TSPEAR: variants seen among roughly 807,000 people sequenced by gnomAD.
The protein encoded by TSPEAR is thrombospondin type laminin G domain and EAR repeats, also known as thrombospondin-type laminin G domain and EAR repeat-containing protein.
In TSPEAR, 69 loss-of-function variants were observed where a neutral mutation model predicts 71.6. That is an observed-to-expected ratio of 0.96 (90% CI 0.79 to 1.18). TSPEAR has a LOEUF of 1.18. TSPEAR is among the 50% of genes most tolerant of loss of function. The pLI is 0.00. For synonymous variants in TSPEAR, 402 were observed against 387.2 expected (o/e 1.04, Z -0.45); for missense variants, 971 against 894.9 (o/e 1.09, Z -1.09).
rs1031278934 is a variant in TSPEAR at position 44,498,160 on chromosome 21, G to A, written c.*1623C>T. ...AGGGGCACACAGAGCAGCCACTAGT[G>A]GAGATGCTGACCCTCTCATCTGCAG... On this transcript the variant is annotated 3_prime_UTR_variant, in exon 12 of 12. Coordinates refer to ENST00000323084, the MANE Select transcript of TSPEAR (RefSeq NM_144991.3). The A allele has an allele frequency of 1.3e-5, 2 of 152,386 alleles. No individual in the cohort carries two copies. The highest frequency in any genetic ancestry group is 2.4e-5 in the African/African-American group (1 of 41,588). The allele number at this position is 152,386 out of a possible 1,614,324, so 9.4% of individuals were successfully genotyped here.
At position 44,646,124 on chromosome 21, in the gene TSPEAR, CAAAAAAAAAAAAAAA is replaced by C. The variant is rs55672014; in HGVS notation, c.82+65294_82+65308del. 4.4e-3 allele frequency among the ~76,000 whole-genome samples: 138 copies of C among 31,250 alleles called. 2 individuals carry two copies. Among genetic ancestry groups the C allele is most frequent in the African/African-American group, 0.013 (121 of 9,486 alleles). 20.5% of individuals were successfully genotyped at this position (31,250 alleles called of 152,430 possible). Reference sequence around the variant, plus strand: ...TGGGTGACAGAGCAAGACTCCCTCTCAAAAAAAAAAAAAAAAAAAAAAAAAAAAAAGGAAATATTT... The same window carrying C: ...TGGGTGACAGAGCAAGACTCCCTCTCAAAAAAAAAAAAAAAGGAAATATTT... On this transcript the variant is annotated intron_variant, in intron 1 of 11. Coordinates refer to ENST00000323084, the MANE Select transcript of TSPEAR (RefSeq NM_144991.3).
chr21:44,579,935 C>T (rs1978794482), intron 1 of TSPEAR: 1 of 1,613,818 alleles, frequency 6.2e-7, no homozygotes, highest in Non-Finnish European at 8.5e-7. Flanking sequence ...GGAGGGTCTG[C>T]AGCAGGAGGT....
chr21:44,524,733 ACAGT>A (rs587616197), intron 8 of TSPEAR, among the ~76,000 whole-genome samples: 150 of 151,166 alleles, frequency 9.9e-4, no homozygotes, highest in African/African-American at 2.3e-3. Flanking sequence ...AGTCAGTGAG[ACAGT>A]CAGTCAATCA....
At chr21:44,582,372 G>A (rs1475651652) in intron 1 of TSPEAR, among the ~76,000 whole-genome samples, 2 of 152,254 alleles carry the variant, frequency 1.3e-5, no homozygotes, top group African/African-American at 4.8e-5. Flanking sequence ...TCCCAGAAGA[G>A]TGCGTGCTTC....
intron 2 of TSPEAR, chr21:44,558,013 G>A (rs376245239): frequency 6.4e-7 from 1 of 1,571,970 alleles, no homozygotes; most frequent in Non-Finnish European, 8.6e-7. Flanking sequence ...AGTCAGAGAT[G>A]GCCCTGGAAC....
chr21:44,647,236 A>T (rs587599628), intron 1 of TSPEAR: 3 of 1,589,256 alleles, frequency 1.9e-6, no homozygotes, highest in Middle Eastern at 1.7e-4. Flanking sequence ...CTGTGCCCCC[A>T]CCTCCTCCTG....
intron 2 of TSPEAR, among the ~76,000 whole-genome samples, chr21:44,563,372 G>C (rs1555921353): frequency 6.6e-6 from 1 of 152,118 alleles, no homozygotes; most frequent in Non-Finnish European, 1.5e-5. Context: ...AGTTGTATAG[G>C]AGCAATCTTT....
At chr21:44,539,377 G>A in intron 2 of TSPEAR, 4 of 1,612,886 alleles carry the variant, frequency 2.5e-6, no homozygotes, top group Non-Finnish European at 3.4e-6. Context: ...AGCTGGCCTG[G>A]CAGGAGGAGG....
At chr21:44,708,111 G>A (rs1317931376) in intron 1 of TSPEAR, among the ~76,000 whole-genome samples, 4 of 152,040 alleles carry the variant, frequency 2.6e-5, no homozygotes, top group African/African-American at 9.7e-5. Flanking sequence ...GAGAGAGGGA[G>A]TGCAAGTGTG....
chr21:44,655,135 T>C (rs1985065261), intron 1 of TSPEAR, among the ~76,000 whole-genome samples: 1 of 152,246 alleles, frequency 6.6e-6, no homozygotes, highest in Non-Finnish European at 1.5e-5. Flanking sequence ...TGTGCCAGGC[T>C]GTGATTATCT....
chr21:44,592,636 G>T, intron 1 of TSPEAR: 2 of 1,228,914 alleles, frequency 1.6e-6, no homozygotes, highest in Non-Finnish European at 2.2e-6. Flanking sequence ...AGGGGTGTTT[G>T]TTCGCCCGTG....
intron 1 of TSPEAR, among the ~76,000 whole-genome samples, chr21:44,596,001 C>T (rs587713821): frequency 2.0e-5 from 3 of 152,162 alleles, no homozygotes; most frequent in Admixed American, 6.5e-5. Flanking sequence ...TTTATCATCT[C>T]GGTTTCTGTG....
rs782271660 is a variant in TSPEAR at position 44,600,767 on chromosome 21, C to T, written c.83-32762G>A. 4.8e-5 allele frequency: 77 copies of T among 1,598,234 alleles called. 3 individuals carry two copies. The Admixed American group carries it at 7.1e-4, about 15-fold the overall frequency. ...TGCTGCGAGCCCCCCTGCTGCGCCC[C>T]GGCCCCCTGCCTGAGCCTGGTCTGC... On this transcript the variant is annotated intron_variant, in intron 1 of 11. Transcript: ENST00000323084.
At chr21:44,662,362 T>G (rs1259112981) in intron 1 of TSPEAR, among the ~76,000 whole-genome samples, 1 of 152,128 alleles carries the variant, frequency 6.6e-6, no homozygotes, top group Non-Finnish European at 1.5e-5. Flanking sequence ...CAAAGTCAAC[T>G]TCACAAAAGA....
intron 4 of TSPEAR, among the ~76,000 whole-genome samples, chr21:44,530,228 A>G (rs1277964205): frequency 1.4e-5 from 2 of 143,928 alleles, no homozygotes; most frequent in Non-Finnish European, 2.9e-5. Flanking sequence ...CTCATCCAAC[A>G]GCCCATCCAC....
chr21:44,647,258 G>A lies in TSPEAR; in HGVS notation c.82+64175C>T, dbSNP rs782532520. ...CCCACCTCCTCCTGCCAGTCCAGCT[G>A]CTGCCGCCCGGCCTCCTGCGTGTCC... On this transcript the variant is annotated intron_variant, in intron 1 of 11. Transcript: ENST00000323084. The A allele has an allele frequency of 3.1e-6, 5 of 1,602,716 alleles. No individual in the cohort carries two copies. The East Asian group carries it at 9.0e-5, about 29-fold the overall frequency.
chr21:44,672,341 C>T (rs12627135), intron 1 of TSPEAR, among the ~76,000 whole-genome samples: 79,154 of 151,948 alleles, frequency 0.52, 21,076 homozygotes, highest in African/African-American at 0.64. Flanking sequence ...GAGGCTAAGG[C>T]GGGCGGATCA....
rs587669777 is a variant in TSPEAR at position 44,539,147 on chromosome 21, T to A, written c.304-5224A>T. ...GCTGGGGAGCTGCAAGGATGGAGGCTCCTGGGAGCAAGGAGGGGGGGTCAC... is the reference window on the plus strand; with the variant it reads ...GCTGGGGAGCTGCAAGGATGGAGGCACCTGGGAGCAAGGAGGGGGGGTCAC... On this transcript the variant is annotated intron_variant, in intron 2 of 11. Transcript: ENST00000323084. The A allele has an allele frequency of 6.0e-5, 80 of 1,324,346 alleles. No homozygotes were observed. The African/African-American group carries it at 1.1e-3, about 18-fold the overall frequency. The allele number at this position is 1,324,346 out of a possible 1,614,324, so 82.0% of individuals were successfully genotyped here.
At chr21:44,610,809 G>A (rs377400729) in intron 1 of TSPEAR, among the ~76,000 whole-genome samples, 6 of 152,204 alleles carry the variant, frequency 3.9e-5, no homozygotes, top group Non-Finnish European at 5.9e-5. Context: ...GGAGCTGTCC[G>A]AGACCATGGG....
Sources: allele counts gnomAD v4.1 joint callset (sites outside exome capture counted in the v4.1 genomes callset), GRCh38; gene constraint gnomAD v4.1.1; transcripts MANE v1.5; gene names NCBI Gene and HGNC (gene_info 2026-07-23, HGNC 2026-07-21).